MAP9: variants seen among roughly 807,000 people sequenced by gnomAD.
The protein encoded by MAP9 is microtubule associated protein 9.
MAP9 carries 80 observed loss-of-function variants against 75.2 expected under a neutral mutation model. The ratio of observed to expected loss-of-function variants is 1.06; its 90% CI spans 0.89 to 1.28. The LOEUF is 1.28. Ranked by LOEUF, MAP9 falls within the 50% of genes most tolerant of loss-of-function variation. The probability of loss-of-function intolerance (pLI) is 0.00; values close to 1 mark genes in which losing one functional copy is unlikely to be tolerated. For synonymous variants in MAP9, 235 were observed against 237.3 expected (o/e 0.99, Z 0.09); for missense variants, 753 against 719.9 (o/e 1.05, Z -0.53).
At position 155,344,905 on chromosome 4, in the gene MAP9, TTTGA is replaced by T. The variant is rs1202279942; in HGVS notation, c.*2874_*2877del. ...TATTCATAAAATTTGTTTTCTTTAC[TTTGA>T]GATCTCTGCATTCTTTAAGTGATCA... On this transcript the variant is annotated 3_prime_UTR_variant, in exon 14 of 14. Transcript: ENST00000311277. 2 of 152,006 alleles carry T rather than the reference TTTGA, an allele frequency of 1.3e-5. No individual in the cohort carries two copies. Among genetic ancestry groups the T allele is most frequent in the Non-Finnish European group, 2.9e-5 (2 of 67,890 alleles). 9.4% of individuals were successfully genotyped at this position (152,006 alleles called of 1,614,324 possible). A position where few individuals can be genotyped will look rare whatever the true frequency, so the allele number is the denominator to read the frequency against.
At position 155,347,655 on chromosome 4, in the gene MAP9, T is replaced by C. The variant is rs989637986; in HGVS notation, c.*128A>G. 1.1e-5 allele frequency: 10 copies of C among 896,778 alleles called. No homozygotes were observed. The highest frequency in any genetic ancestry group is 1.7e-5 in the African/African-American group (1 of 58,030). The allele number at this position is 896,778 out of a possible 1,614,324, so 55.6% of individuals were successfully genotyped here. ...ATTACATTCCAAAGTATTTCTTTCA[T>C]TGTCAGCAGGAGTGTCTGGCATTTA... On this transcript the variant is annotated 3_prime_UTR_variant, in exon 14 of 14. Coordinates refer to ENST00000311277, the MANE Select transcript of MAP9 (RefSeq NM_001039580.2).
intron 8 of MAP9, chr4:155,357,034 A>G (rs1017117054): frequency 1.5e-4 from 26 of 178,032 alleles, no homozygotes; most frequent in Admixed American, 3.7e-4. Flanking sequence ...TTGATAATGA[A>G]TAAGTATCAT....
At chr4:155,374,851 G>A (rs955304462) in intron 3 of MAP9, 86 bp downstream of exon 3, 2 of 723,156 alleles carry the variant, frequency 2.8e-6, no homozygotes, top group Middle Eastern at 2.5e-4. Flanking sequence ...GTGATTGAGG[G>A]GATGGGTGGT....
chr4:155,357,540 A>C, intron 7 of MAP9, 21 bp from the exon 8 acceptor site: 1 of 1,376,886 alleles, frequency 7.3e-7, no homozygotes, highest in East Asian at 2.3e-5. Flanking sequence ...GAAAATGCCA[A>C]AGATGATTTA....
In MAP9 at chr4:155,368,612, C is replaced by CT. The variant is rs753143955; in HGVS notation, c.681dup (p.Ala228SerfsTer4). 1.2e-5 allele frequency: 19 copies of CT among 1,614,082 alleles called. No individual in the cohort carries two copies. In the Admixed American group the frequency reaches 2.0e-4, roughly 17 times the overall value. ...TCAGGATCAAGGTTTTCAGAGAATG[C>CT]TTTTTTCTCAGCTTCTAATTGTATG... On this transcript the variant is annotated frameshift_variant, in exon 5 of 14. Transcript: ENST00000311277. LOFTEE classifies it high-confidence loss of function.
chr4:155,371,286 GA>G (rs910985330), intron 4 of MAP9, among the ~76,000 whole-genome samples: 120 of 141,090 alleles, frequency 8.5e-4, no homozygotes, highest in South Asian at 3.1e-3. Flanking sequence ...AACCTGTACA[GA>G]AAAAAAAAAA....
At chr4:155,372,704 C>G (rs965643174) in intron 4 of MAP9, among the ~76,000 whole-genome samples, 1 of 152,192 alleles carries the variant, frequency 6.6e-6, no homozygotes, top group African/African-American at 2.4e-5. Context: ...GTTGGTATGG[C>G]AAAGACTGTT....
At position 155,375,503 on chromosome 4, in the gene MAP9, GA is replaced by G. The variant is rs370154766; in HGVS notation, c.75+272del. ...AAAACTTAAACATTATGTTACAACAGAAAAAAAAGTTTTTATATAAAAATGG... is the reference window on the plus strand; with the variant it reads ...AAAACTTAAACATTATGTTACAACAGAAAAAAAGTTTTTATATAAAAATGG... On this transcript the variant is annotated intron_variant, in intron 2 of 13. Coordinates refer to ENST00000311277, the MANE Select transcript of MAP9 (RefSeq NM_001039580.2). Among the ~76,000 whole-genome samples, 1,455 of 151,778 alleles carry G rather than the reference GA, an allele frequency of 9.6e-3. 25 individuals carry two copies. Among genetic ancestry groups the G allele is most frequent in the African/African-American group, 0.03 (1,239 of 41,362 alleles).
chr4:155,362,183 T>G, intron 5 of MAP9, 42 bp from the exon 6 acceptor site: 1 of 1,167,730 alleles, frequency 8.6e-7, no homozygotes, highest in Non-Finnish European at 1.2e-6. Context: ...ATAAGTTTAA[T>G]AATTAACATT....
At chr4:155,374,268 G>C (rs1040005959) in intron 3 of MAP9, among the ~76,000 whole-genome samples, 1 of 152,134 alleles carries the variant, frequency 6.6e-6, no homozygotes, top group Non-Finnish European at 1.5e-5. Context: ...GAACCTGGGA[G>C]GTGGAGGTTG....
intron 13 of MAP9, chr4:155,349,691 G>GA (rs1731426788): frequency 6.6e-6 from 1 of 152,152 alleles, no homozygotes; most frequent in African/African-American, 2.4e-5. Flanking sequence ...TTTTAATTGA[G>GA]AAAAGCAAAG....
Position 155,353,344 on chromosome 4 carries a change from C to T in MAP9, c.1381-4G>A, listed in dbSNP as rs200042041. On this transcript the variant is annotated splice_region_variant and splice_polypyrimidine_tract_variant and intron_variant, in intron 10 of 13. Coordinates refer to ENST00000311277, the MANE Select transcript of MAP9 (RefSeq NM_001039580.2). ...CTTCTCTTTTAGCAGCTTTTTTCTACAGTGGAAAAAATAATAGAGTGATAT... is the reference window on the plus strand; with the variant it reads ...CTTCTCTTTTAGCAGCTTTTTTCTATAGTGGAAAAAATAATAGAGTGATAT... 100 of 1,554,174 alleles carry T rather than the reference C, an allele frequency of 6.4e-5. No homozygotes were observed. Among genetic ancestry groups the T allele is most frequent in the Admixed American group, 4.9e-4 (22 of 44,862 alleles).
chr4:155,359,174 G>T lies in MAP9; in HGVS notation c.1050+994C>A, dbSNP rs76208380. On this transcript the variant is annotated intron_variant, in intron 7 of 13. Transcript: ENST00000311277. ...GCAAAGATATGGAATCAACCTAAGT[G>T]TACATCAACATATGATTGTATAAAG... is the stretch of plus-strand genomic sequence containing the variant. Among the ~76,000 whole-genome samples, 12 of 150,056 alleles carry T rather than the reference G, an allele frequency of 8.0e-5. No individual in the cohort carries two copies. In the East Asian group the frequency reaches 2.4e-3, roughly 30 times the overall value.
intron 4 of MAP9, among the ~76,000 whole-genome samples, chr4:155,370,487 A>ACAATCCCTC (rs141497000): frequency 6.2e-4 from 94 of 152,276 alleles, no homozygotes; most frequent in African/African-American, 2.2e-3. Flanking sequence ...CACACATACC[A>ACAATCCCTC]CAATCCCTCC....
At chr4:155,356,427 T>G (rs1486530830) in intron 8 of MAP9, among the ~76,000 whole-genome samples, 1 of 152,178 alleles carries the variant, frequency 6.6e-6, no homozygotes, top group Non-Finnish European at 1.5e-5. Flanking sequence ...ATTTTATAAC[T>G]TTAAGTTATA....
Position 155,353,018 on chromosome 4 carries a change from T to A in MAP9, c.1582A>T (p.Lys528Ter). 1 of 1,545,102 alleles carries A rather than the reference T, an allele frequency of 6.5e-7. No homozygotes were observed. The highest frequency in any genetic ancestry group is 8.8e-7 in the Non-Finnish European group (1 of 1,139,322). The change falls in exon 12 of 14, where the codon AAA becomes TAA. Residue 528 changes from lysine to a stop codon, truncating the protein, a stop_gained. Coordinates refer to ENST00000311277, the MANE Select transcript of MAP9 (RefSeq NM_001039580.2). LOFTEE classifies it high-confidence loss of function. The part of the protein sequence containing the change: ...KWKEKKMEYL[K>*]EKNRKEREYE... ...TCTCTCTCCTTTCTATTTTTCTCTT[T>A]AAGATATTCCATCTTTTTCTCTTTC...
intron 6 of MAP9, chr4:155,361,198 G>A (rs1732063711): frequency 6.6e-6 from 1 of 151,948 alleles, no homozygotes; most frequent in Admixed American, 6.6e-5. Flanking sequence ...AATTTGTTTT[G>A]AGGTAACATG....
At chr4:155,371,622 T>A (rs1732598778) in intron 4 of MAP9, among the ~76,000 whole-genome samples, 1 of 151,950 alleles carries the variant, frequency 6.6e-6, no homozygotes, top group Admixed American at 6.6e-5. Context: ...ACGTACTGAA[T>A]ATAACATTGC....
intron 5 of MAP9, among the ~76,000 whole-genome samples, chr4:155,364,370 G>A (rs1291279315): frequency 6.6e-6 from 1 of 151,114 alleles, no homozygotes; most frequent in Non-Finnish European, 1.5e-5. Context: ...ACACAAAATG[G>A]TAATCTGAAT....
Sources: gnomAD v4.1 joint callset for allele counts (sites outside exome capture counted in the v4.1 genomes callset) on GRCh38, gnomAD v4.1.1 for gene constraint, MANE v1.5 for transcripts, NCBI Gene and HGNC (gene_info 2026-07-23, HGNC 2026-07-21) for gene names.